The following GSE1 variants were observed in gnomAD, a reference collection of about 807,000 sequenced individuals.
GSE1 encodes the protein genetic suppressor element 1.
A neutral mutation model predicts 112.6 loss-of-function variants in GSE1; 32 were observed. The ratio of observed to expected loss-of-function variants is 0.28; its 90% CI spans 0.21 to 0.38. The LOEUF is 0.38. Among genes scored for constraint, GSE1 ranks in the 10% least tolerant of loss-of-function variants. The pLI, the probability that GSE1 is intolerant of heterozygous loss-of-function variation, is 1.00. For synonymous variants in GSE1, 1,115 were observed against 735.6 expected, an observed-to-expected ratio of 1.52 and a Z score of -8.35; for missense variants, 2,348 against 1,699.2, an observed-to-expected ratio of 1.38 and a Z score of -6.71.
At chr16:85,389,460 CAAA>C (rs59509773) in intron 2 of GSE1, among the ~76,000 whole-genome samples, 19 of 77,828 alleles carry the variant, frequency 2.4e-4, no homozygotes, top group African/African-American at 7.6e-4. Context: ...ACTCTGTCTC[CAAA>C]AAAAAAAAAA....
chr16:85,265,438 C>T (rs1216249758), intron 1 of GSE1, among the ~76,000 whole-genome samples: 1 of 152,218 alleles, frequency 6.6e-6, no homozygotes, highest in Non-Finnish European at 1.5e-5. Context: ...CGCGCTAATG[C>T]ACCCTGTGGA....
intron 1 of GSE1, among the ~76,000 whole-genome samples, chr16:85,231,893 G>A (rs1294099434): frequency 6.6e-6 from 1 of 152,234 alleles, no homozygotes; most frequent in Non-Finnish European, 1.5e-5. Context: ...AGTCATCATG[G>A]TGCTGGCCTC....
intron 1 of GSE1, among the ~76,000 whole-genome samples, chr16:85,216,153 A>G (rs904711958): frequency 6.6e-6 from 1 of 152,206 alleles, no homozygotes; most frequent in African/African-American, 2.4e-5. Context: ...TTCTTCCACC[A>G]TCATTCCGAC....
chr16:85,598,143 C>T (rs962724746), intron 1 of GSE1, among the ~76,000 whole-genome samples: 1 of 146,916 alleles, frequency 6.8e-6, no homozygotes, highest in Non-Finnish European at 1.5e-5. Flanking sequence ...CTCTCTCTTT[C>T]TCTCCCAGGC....
rs576122219 is a variant in GSE1 at position 85,270,568 on chromosome 16, G to C, written c.2284-86895G>C. Among the ~76,000 whole-genome samples the C allele has an allele frequency of 1.2e-3, 177 of 148,958 alleles. 3 individuals carry two copies. The highest frequency in any genetic ancestry group is 4.1e-3 in the African/African-American group (168 of 41,300). ...CAATTAAAGCAGCCCAGTGGGGGCCGATTTTATTAAATCAAAGCTCTCGGG... is the reference window on the plus strand; with the variant it reads ...CAATTAAAGCAGCCCAGTGGGGGCCCATTTTATTAAATCAAAGCTCTCGGG... On this transcript the variant is annotated intron_variant, in intron 1 of 2. Coordinates refer to the GSE1 transcript ENST00000637419.
At chr16:85,380,597 T>C (rs1417955060) in intron 2 of GSE1, among the ~76,000 whole-genome samples, 3 of 152,126 alleles carry the variant, frequency 2.0e-5, no homozygotes, top group South Asian at 4.1e-4. Context: ...CGAGGTTTAG[T>C]GTGGCATCTC....
intron 1 of GSE1, among the ~76,000 whole-genome samples, chr16:85,349,590 C>T (rs543779328): frequency 1.1e-4 from 16 of 152,128 alleles, no homozygotes; most frequent in African/African-American, 3.9e-4. Context: ...CTGTGCCCGC[C>T]GCCCTCCCTA....
chr16:85,439,829 C>T (rs572167759), intron 2 of GSE1, among the ~76,000 whole-genome samples: 33 of 152,286 alleles, frequency 2.2e-4, no homozygotes, highest in Non-Finnish European at 4.1e-4. Flanking sequence ...CAGATGCATG[C>T]ATGCACACAC....
At chr16:85,177,486 C>G (rs1403990571) in intron 1 of GSE1, among the ~76,000 whole-genome samples, 3 of 152,162 alleles carry the variant, frequency 2.0e-5, no homozygotes, top group East Asian at 3.9e-4. Flanking sequence ...CTCTTGGGGT[C>G]AGTTGTGGAA....
At chr16:85,233,686 A>G (rs1264706984) in intron 1 of GSE1, among the ~76,000 whole-genome samples, 3 of 152,010 alleles carry the variant, frequency 2.0e-5, no homozygotes, top group Non-Finnish European at 4.4e-5. Context: ...GGCAGTGGGA[A>G]CAGACACACT....
chr16:85,579,412 C>A (rs139897305), intron 1 of GSE1, among the ~76,000 whole-genome samples: 283 of 152,276 alleles, frequency 1.9e-3, no homozygotes, highest in African/African-American at 6.6e-3. Context: ...TTGGGGAGGG[C>A]GCTTTGTATT....
In GSE1 at chr16:85,569,181, C is replaced by T. The variant is rs934602936; in HGVS notation, c.37+12818C>T. Among the ~76,000 whole-genome samples, 4 of 152,360 alleles carry T rather than the reference C, an allele frequency of 2.6e-5. No homozygotes were observed. In the South Asian group the frequency reaches 6.2e-4, roughly 24 times the overall value. On this transcript the variant is annotated intron_variant, in intron 1 of 2. Coordinates refer to the GSE1 transcript ENST00000635906. ...AACACTCTAGCCTGCCCTTCTCTAC[C>T]TGTCCTCCACACCTTTGGCCAGGCT...
At chr16:85,331,071 C>T (rs1173269883) in intron 1 of GSE1, among the ~76,000 whole-genome samples, 1 of 152,074 alleles carries the variant, frequency 6.6e-6, no homozygotes, top group African/African-American at 2.4e-5. Flanking sequence ...TCAGGCGCTC[C>T]TCTGGAGATG....
chr16:85,630,763 G>A (rs1429797231), intron 1 of GSE1, among the ~76,000 whole-genome samples: 2 of 152,222 alleles, frequency 1.3e-5, no homozygotes, highest in African/African-American at 4.8e-5. Context: ...CAGGAAGCCG[G>A]GTTCAAGTCC....
chr16:85,602,021 C>A (rs992356025), intron 1 of GSE1, among the ~76,000 whole-genome samples: 1 of 152,080 alleles, frequency 6.6e-6, no homozygotes, highest in Non-Finnish European at 1.5e-5. Context: ...GAAGACGGGC[C>A]TGGAGGAAGA....
chr16:85,662,854 C>T (rs947040270), intron 9 of GSE1, 127 bp from the exon 10 acceptor site: 16 of 671,292 alleles, frequency 2.4e-5, no homozygotes, highest in African/African-American at 2.0e-4. Context: ...AGGAACTGGC[C>T]TTCAGGGTGT....
chr16:85,585,174 G>A (rs1469340284), intron 1 of GSE1, among the ~76,000 whole-genome samples: 1 of 152,238 alleles, frequency 6.6e-6, no homozygotes, highest in Non-Finnish European at 1.5e-5. Context: ...ACAGAGGATG[G>A]GACAATAAAA....
chr16:85,302,699 C>T (rs1341935657), intron 1 of GSE1, among the ~76,000 whole-genome samples: 1 of 152,220 alleles, frequency 6.6e-6, no homozygotes, highest in Non-Finnish European at 1.5e-5. Context: ...TGCATTTTCA[C>T]AAGCACCCCT....
upstream of GSE1, chr16:85,555,069 G>T: frequency 1.0e-6 from 1 of 985,402 alleles, no homozygotes; most frequent in Non-Finnish European, 1.2e-6. Context: ...TGCGAAGCAT[G>T]GAGCTGTTGG....
Sources: gnomAD v4.1 joint callset for allele counts (sites outside exome capture counted in the v4.1 genomes callset) on GRCh38, gnomAD v4.1.1 for gene constraint, MANE v1.5 for transcripts, NCBI Gene and HGNC (gene_info 2026-07-23, HGNC 2026-07-21) for gene names.